The following PLCH2 variants were observed in gnomAD, a reference collection of about 807,000 sequenced individuals.
PLCH2 encodes the protein phospholipase C eta 2.
In PLCH2, 98 loss-of-function variants were observed where a neutral mutation model predicts 134.7. The observed-to-expected ratio is 0.73, with a 90% CI of 0.62 to 0.86. The LOEUF is 0.86. Among genes scored for constraint, PLCH2 ranks in the 40% least tolerant of loss-of-function variants. The pLI, the probability that PLCH2 is intolerant of heterozygous loss-of-function variation, is 0.00. For synonymous variants in PLCH2, 974 were observed against 827.5 expected, an observed-to-expected ratio of 1.18 and a Z score of -3.04; for missense variants, 1,994 against 1,986.6, an observed-to-expected ratio of 1.00 and a Z score of -0.07.
Position 2,505,357 on chromosome 1 carries a change from C to A in PLCH2, c.*144C>A. The A allele has an allele frequency of 1.6e-6, 1 of 629,868 alleles. No homozygotes were observed. Among genetic ancestry groups the A allele is most frequent in the Non-Finnish European group, 2.7e-6 (1 of 373,590 alleles). The allele number at this position is 629,868 out of a possible 1,614,324, so 39.0% of individuals were successfully genotyped here. On this transcript the variant is annotated 3_prime_UTR_variant, in exon 22 of 22. Coordinates refer to ENST00000378486, the MANE Select transcript of PLCH2 (RefSeq NM_014638.4). Reference sequence around the variant, plus strand: ...CCCCTCCACCCCTGCCTCCCTCCTGCCCCTGCTCCCGGGGAGGAAAGGCTA... The same window carrying A: ...CCCCTCCACCCCTGCCTCCCTCCTGACCCTGCTCCCGGGGAGGAAAGGCTA...
At chr1:2,473,517 C>A (rs34809255), upstream of PLCH2, among the ~76,000 whole-genome samples, 1,141 of 152,328 alleles carry the variant, frequency 7.5e-3, 7 homozygotes, top group Non-Finnish European at 8.7e-3. Flanking sequence ...CCGGCCAGAC[C>A]CTTGAGAGCT....
At position 2,435,315 on chromosome 1, in the gene PLCH2, C is replaced by T. The variant is rs370611752; in HGVS notation, c.115+4686C>T. 1.7e-4 allele frequency among the ~76,000 whole-genome samples: 26 copies of T among 152,258 alleles called. No individual in the cohort carries two copies. In the East Asian group the frequency reaches 4.4e-3, roughly 26 times the overall value. ...GTTGCTGCCTCTTGCAGGGAGGGCA[C>T]CTGGGCTCGGGGTGTTTCCTCAGAG... is the stretch of plus-strand genomic sequence containing the variant. On this transcript the variant is annotated intron_variant, in intron 2 of 3. Coordinates refer to the PLCH2 transcript ENST00000609981.
At chr1:2,443,375 A>G (rs1432510421) in intron 2 of PLCH2, among the ~76,000 whole-genome samples, 1 of 152,094 alleles carries the variant, frequency 6.6e-6, no homozygotes, top group Non-Finnish European at 1.5e-5. Context: ...GGTGGGTTGT[A>G]GTGTCGCCGG....
At position 2,478,557 on chromosome 1, in the gene PLCH2, A is replaced by T. The variant is rs1417816552; in HGVS notation, c.206A>T (p.Tyr69Phe). The T allele has an allele frequency of 6.2e-7, 1 of 1,612,700 alleles. No homozygotes were observed. Among genetic ancestry groups the T allele is most frequent in the East Asian group, 2.2e-5 (1 of 44,882 alleles). Residue 69 changes from tyrosine (Y) to phenylalanine (F), a missense_variant, in exon 2 of 22, where the codon TAC becomes TTC. Around this residue, in one of 2 missense-constraint regions of PLCH2, gnomAD observed 1,094 missense variants for 1,234.3 expected, o/e 0.89. Coordinates refer to ENST00000378486, the MANE Select transcript of PLCH2 (RefSeq NM_014638.4). Reference sequence around the variant, plus strand: ...GGCTCCAAGGGCCTGGTCCGCTTCTACTACCTGGACGAGCACCGCTCCTGC... The same window carrying T: ...GGCTCCAAGGGCCTGGTCCGCTTCTTCTACCTGGACGAGCACCGCTCCTGC... ...RGGSKGLVRF[Y>F]YLDEHRSCIR...
chr1:2,495,353 C>T (rs754834275), intron 12 of PLCH2, 135 bp from the exon 13 acceptor site: 2 of 696,858 alleles, frequency 2.9e-6, no homozygotes, highest in Non-Finnish European at 4.9e-6. Context: ...CAGGCCCAGC[C>T]AGGCGGGATG....
At position 2,504,533 on chromosome 1, in the gene PLCH2, C is replaced by G; in HGVS notation, c.3571C>G (p.Arg1191Gly). 1.2e-6 allele frequency: 2 copies of G among 1,612,594 alleles called. No homozygotes were observed. Among genetic ancestry groups the G allele is most frequent in the Non-Finnish European group, 1.7e-6 (2 of 1,179,756 alleles). Reference protein sequence around the residue: ...PPRPHSASAARPDLPPVTKSK... With the variant: ...PPRPHSASAAGPDLPPVTKSK... ...CAGGCCCCACTCGGCTTCGGCTGCC[C>G]GCCCAGACCTGCCACCTGTGACCAA... The change falls in exon 22 of 22, where the codon CGC (arginine) becomes GGC (glycine). Residue 1191 changes from arginine (R) to glycine (G), a missense_variant. Arg to Gly is a moderately radical substitution (Grantham distance 125). This residue lies in a region of PLCH2 where 900 missense variants were observed against 752.3 expected (regional missense o/e 1.20). Coordinates refer to ENST00000378486, the MANE Select transcript of PLCH2 (RefSeq NM_014638.4).
Position 2,479,769 on chromosome 1 carries a change from C to A in PLCH2, c.307C>A (p.Arg103=). ...IDSIQEVSEG[R]QSEVFQRYPD... ...CTCCATCCAGGAGGTGAGTGAGGGG[C>A]GGCAGTCGGAGGTCTTCCAGCGCTA... is the stretch of plus-strand genomic sequence containing the variant. Residue 103 remains arginine, a synonymous_variant, in exon 3 of 22, where the codon CGG becomes AGG. Coordinates refer to ENST00000378486, the MANE Select transcript of PLCH2 (RefSeq NM_014638.4). 2 of 1,551,026 alleles carry A rather than the reference C, an allele frequency of 1.3e-6. No homozygotes were observed. The highest frequency in any genetic ancestry group is 2.4e-5 in the South Asian group (2 of 84,678).
intron 2 of PLCH2, among the ~76,000 whole-genome samples, chr1:2,437,351 AGACT>A (rs1253615409): frequency 6.6e-6 from 1 of 152,138 alleles, no homozygotes; most frequent in Non-Finnish European, 1.5e-5. Context: ...CTCCTGTCCA[AGACT>A]GACTTAGACC....
Position 2,498,581 on chromosome 1 carries a change from G to T in PLCH2, c.2283G>T (p.Val761=). 1 of 1,603,212 alleles carries T rather than the reference G, an allele frequency of 6.2e-7. No individual in the cohort carries two copies. The highest frequency in any genetic ancestry group is 8.5e-7 in the Non-Finnish European group (1 of 1,176,888). The change falls in exon 17 of 22, where the codon GTG becomes GTT. Residue 761 remains valine, a synonymous_variant. Coordinates refer to ENST00000378486, the MANE Select transcript of PLCH2 (RefSeq NM_014638.4). The surrounding 1 kb of genome is among the most constrained non-coding windows in gnomAD (Gnocchi z 5.4). ...PLPGQLKKQL[V]LRIISGQQLP... is the part of the protein sequence containing the mutation. Reference sequence around the variant, plus strand: ...CCGGGCAGCTCAAGAAGCAGCTGGTGCTCCGGATCATCAGTGGCCAGCAGC... The same window carrying T: ...CCGGGCAGCTCAAGAAGCAGCTGGTTCTCCGGATCATCAGTGGCCAGCAGC...
intron 2 of PLCH2, among the ~76,000 whole-genome samples, chr1:2,452,011 G>A (rs1001361534): frequency 6.6e-5 from 10 of 152,326 alleles, no homozygotes; most frequent in East Asian, 1.9e-4. Context: ...TGGGCCTGTC[G>A]GAGGAGGCTG....
chr1:2,459,259 G>A (rs1458181259), intron 2 of PLCH2, among the ~76,000 whole-genome samples: 1 of 152,242 alleles, frequency 6.6e-6, no homozygotes, highest in Non-Finnish European at 1.5e-5. Flanking sequence ...TGTTGGAGAT[G>A]CACGTGCCCC....
At position 2,471,063 on chromosome 1, in the gene PLCH2, G is replaced by C. The variant is rs915598354; in HGVS notation, c.43+3401G>C. ...CACAATGGGGGGGGCACTCGCGGTG[G>C]GGGGAGGAAGCTGTGAAATGGGCTA... On this transcript the variant is annotated intron_variant, in intron 1 of 21. Transcript: ENST00000449969. Among the ~76,000 whole-genome samples the C allele has an allele frequency of 4.0e-5, 6 of 149,000 alleles. No individual in the cohort carries two copies. In the South Asian group the frequency reaches 6.6e-4, roughly 16 times the overall value.
intron 2 of PLCH2, among the ~76,000 whole-genome samples, chr1:2,449,345 A>T (rs548404217): frequency 6.6e-6 from 1 of 152,242 alleles, no homozygotes; most frequent in East Asian, 1.9e-4. Flanking sequence ...ACAAAAATTT[A>T]TCTGTGTGTG....
chr1:2,473,638 C>T (rs1275802271), upstream of PLCH2, among the ~76,000 whole-genome samples: 2 of 152,226 alleles, frequency 1.3e-5, no homozygotes, highest in Non-Finnish European at 2.9e-5. Flanking sequence ...TGTGTCCAGC[C>T]AGCGCCTGCT....
At chr1:2,491,412 C>G in intron 11 of PLCH2, 77 bp downstream of exon 11, 1 of 1,478,736 alleles carries the variant, frequency 6.8e-7, no homozygotes. Context: ...CCAGGGCCCC[C>G]GAACGTATGC....
chr1:2,457,675 GTGTC>G (rs1476866962), intron 2 of PLCH2, among the ~76,000 whole-genome samples: 1 of 152,042 alleles, frequency 6.6e-6, no homozygotes, highest in Non-Finnish European at 1.5e-5. Flanking sequence ...GGTTTCCTCA[GTGTC>G]TGACCACAGG....
chr1:2,491,040 G>A (rs910740584), intron 10 of PLCH2, among the ~76,000 whole-genome samples, 152 bp from the exon 11 acceptor site: 19 of 152,214 alleles, frequency 1.2e-4, no homozygotes, highest in Admixed American at 7.2e-4. Flanking sequence ...CTGGGTTCCC[G>A]TCCTGCCTGT....
intron 21 of PLCH2, chr1:2,503,544 C>A: frequency 1.5e-6 from 1 of 682,300 alleles, no homozygotes; most frequent in South Asian, 1.5e-5. Context: ...GGAGCCCGCC[C>A]CACACCACCC....
Position 2,476,571 on chromosome 1 carries a change from C to T in PLCH2, c.-18C>T. The stretch of plus-strand genomic sequence containing the variant: ...GCCTCTGTGGCCTCCGTGAAGCAGG[C>T]CCGGCTGTCGTCAGGCCATGTCTGG... On this transcript the variant is annotated 5_prime_UTR_variant, in exon 1 of 22. Coordinates refer to ENST00000378486, the MANE Select transcript of PLCH2 (RefSeq NM_014638.4). The T allele has an allele frequency of 1.3e-6, 2 of 1,495,944 alleles. No homozygotes were observed. Among genetic ancestry groups the T allele is most frequent in the Non-Finnish European group, 1.8e-6 (2 of 1,129,766 alleles). The allele number at this position is 1,495,944 out of a possible 1,614,324, so 92.7% of individuals were successfully genotyped here.
Sources: gnomAD v4.1 joint callset for allele counts (sites outside exome capture counted in the v4.1 genomes callset) on GRCh38, gnomAD v4.1.1 for gene constraint, gnomAD v4.1.1 regional missense constraint, Gnocchi (gnomAD v3.1) non-coding constraint, MANE v1.5 for transcripts, NCBI Gene and HGNC (gene_info 2026-07-23, HGNC 2026-07-21) for gene names.